The following CAMTA1 variants were observed in gnomAD, a reference collection of about 807,000 sequenced individuals.
CAMTA1 encodes the protein calmodulin binding transcription activator 1, also known as calmodulin-binding transcription activator 1.
CAMTA1 carries 27 observed loss-of-function variants against 170.9 expected under a neutral mutation model. The observed-to-expected ratio is 0.16, with a 90% CI of 0.12 to 0.22. The LOEUF is 0.22. CAMTA1 is among the 10% of genes least tolerant of loss of function. CAMTA1 has a pLI of 1.00. For missense variants in CAMTA1, 1,619 were observed against 2,217.2 expected (o/e 0.73, Z 5.42); for synonymous variants, 833 against 891.5 (o/e 0.93, Z 1.17).
At chr1:7,375,436 T>C (rs1438525300) in intron 5 of CAMTA1, among the ~76,000 whole-genome samples, 2 of 151,930 alleles carry the variant, frequency 1.3e-5, no homozygotes, top group Non-Finnish European at 2.9e-5. Context: ...TTTCAAAGAG[T>C]AATTGTTGCT....
intron 6 of CAMTA1, among the ~76,000 whole-genome samples, chr1:7,477,047 A>G (rs2093431606): frequency 6.6e-6 from 1 of 152,158 alleles, no homozygotes; most frequent in South Asian, 2.1e-4. Context: ...GCGCCATTAG[A>G]TAATTAGGAG....
chr1:7,662,005 C>G, intron 8 of CAMTA1, 139 bp downstream of exon 8: 1 of 1,028,642 alleles, frequency 9.7e-7, no homozygotes, highest in South Asian at 1.6e-5. Context: ...TGGGCGACAC[C>G]ACCGCACCCA....
chr1:7,163,829 G>A (rs1647783319), intron 4 of CAMTA1, among the ~76,000 whole-genome samples: 1 of 152,176 alleles, frequency 6.6e-6, no homozygotes, highest in African/African-American at 2.4e-5. Flanking sequence ...TGCCTGTGCA[G>A]GAATTCCCAC....
intron 22 of CAMTA1, among the ~76,000 whole-genome samples, chr1:7,759,999 AG>A (rs1477969895): frequency 6.6e-6 from 1 of 152,226 alleles, no homozygotes; most frequent in East Asian, 1.9e-4. Context: ...TTCTGTGAGA[AG>A]GCTTTATAAA....
intron 4 of CAMTA1, among the ~76,000 whole-genome samples, chr1:7,116,654 C>CT (rs34283711): frequency 0.31 from 44,877 of 143,322 alleles, 7,306 homozygotes; most frequent in Middle Eastern, 0.39. Context: ...TTCTTTCTTT[C>CT]TTTTTTTTTT....
chr1:7,107,727 C>G lies in CAMTA1; in HGVS notation c.302+16356C>G, dbSNP rs1643754938. On this transcript the variant is annotated intron_variant, in intron 4 of 22. Coordinates refer to ENST00000303635, the MANE Select transcript of CAMTA1 (RefSeq NM_015215.4). The stretch of plus-strand genomic sequence containing the variant: ...CAGATCTGCTCCCTGAGCTGCAGGG[C>G]TGTCCTCCAGGGCACAGCCTAGCCC... 2.0e-5 allele frequency among the ~76,000 whole-genome samples: 3 copies of G among 152,324 alleles called. No homozygotes were observed. The South Asian group carries it at 6.2e-4, about 32-fold the overall frequency.
At chr1:6,902,072 C>CACACACACACACACAAAA (rs3986505) in intron 3 of CAMTA1, among the ~76,000 whole-genome samples, 7 of 88,466 alleles carry the variant, frequency 7.9e-5, no homozygotes, top group African/African-American at 2.2e-4. Flanking sequence ...CACACACACA[C>CACACACACACACACAAAA]AAAAAAAAAA....
intron 3 of CAMTA1, among the ~76,000 whole-genome samples, chr1:6,926,486 T>TTCTTTCTC (rs1553188109): frequency 1.2e-4 from 16 of 134,840 alleles, no homozygotes; most frequent in Non-Finnish European, 1.5e-4. Flanking sequence ...CTTTCTTTCT[T>TTCTTTCTC]TCTCTCTCTC....
intron 4 of CAMTA1, among the ~76,000 whole-genome samples, chr1:7,149,313 G>C (rs1320117588): frequency 6.6e-6 from 1 of 152,234 alleles, no homozygotes; most frequent in East Asian, 1.9e-4. Flanking sequence ...AGACTTTCTG[G>C]CAGGGCACCG....
At chr1:6,948,682 A>G (rs1301978998) in intron 3 of CAMTA1, among the ~76,000 whole-genome samples, 1 of 152,128 alleles carries the variant, frequency 6.6e-6, no homozygotes, top group East Asian at 1.9e-4. Flanking sequence ...CGTATGGCTT[A>G]ATCCTCACTC....
chr1:7,107,934 A>G (rs1311917405), intron 4 of CAMTA1, among the ~76,000 whole-genome samples: 1 of 152,128 alleles, frequency 6.6e-6, no homozygotes, highest in African/African-American at 2.4e-5. Flanking sequence ...CTGCCTGCTG[A>G]CTTCTTCCTA....
chr1:7,689,543 C>T (rs975491904), intron 11 of CAMTA1, among the ~76,000 whole-genome samples: 2 of 152,024 alleles, frequency 1.3e-5, no homozygotes, highest in Admixed American at 6.6e-5. Flanking sequence ...TGTGCCATTG[C>T]ACTCTAGCCT....
In CAMTA1 at chr1:7,026,159, A is replaced by G. The variant is rs892714152; in HGVS notation, c.235-65145A>G. Among the ~76,000 whole-genome samples, 27 of 151,940 alleles carry G rather than the reference A, an allele frequency of 1.8e-4. No individual in the cohort carries two copies. In the East Asian group the frequency reaches 4.8e-3, roughly 27 times the overall value. ...GAAACAAAAAGATTTGGCCAAGAGC[A>G]GGAGAGCAGGCCCATGAAGGTGGAA... On this transcript the variant is annotated intron_variant, in intron 3 of 22. Transcript: ENST00000303635.
chr1:7,617,425 C>T (rs114804362), intron 6 of CAMTA1, among the ~76,000 whole-genome samples: 2,982 of 152,232 alleles, frequency 0.02, 35 homozygotes, highest in Non-Finnish European at 0.031. Context: ...TGAAATGGCT[C>T]GAGGCAATTC....
chr1:7,754,995 T>C (rs1345061902), intron 21 of CAMTA1, among the ~76,000 whole-genome samples: 1 of 152,174 alleles, frequency 6.6e-6, no homozygotes, highest in African/African-American at 2.4e-5. Context: ...AAACTATTCA[T>C]GTCTGTTGTC....
intron 11 of CAMTA1, 97 bp downstream of exon 11, chr1:7,677,830 A>G: frequency 7.1e-7 from 1 of 1,405,698 alleles, no homozygotes; most frequent in East Asian, 2.4e-5. Context: ...GCACCCAGAA[A>G]GGGGCAGGAA....
intron 3 of CAMTA1, among the ~76,000 whole-genome samples, chr1:6,957,871 T>C (rs1689727535): frequency 1.3e-5 from 2 of 152,230 alleles, no homozygotes; most frequent in South Asian, 2.1e-4. Flanking sequence ...AGCTTGACTT[T>C]TGTGCCCTCT....
chr1:7,341,692 G>A (rs1014645760), intron 5 of CAMTA1, among the ~76,000 whole-genome samples: 6 of 152,200 alleles, frequency 3.9e-5, no homozygotes, highest in Admixed American at 1.3e-4. Flanking sequence ...TTGTTCTGCC[G>A]TAAACATCAT....
intron 3 of CAMTA1, among the ~76,000 whole-genome samples, chr1:6,865,681 G>C (rs983654679): frequency 1.3e-5 from 2 of 152,194 alleles, no homozygotes; most frequent in Non-Finnish European, 2.9e-5. Flanking sequence ...ACTAGCCTAA[G>C]TAGTTACATT....
Sources: allele counts gnomAD v4.1 joint callset (sites outside exome capture counted in the v4.1 genomes callset), GRCh38; gene constraint gnomAD v4.1.1; transcripts MANE v1.5; gene names NCBI Gene and HGNC (gene_info 2026-07-23, HGNC 2026-07-21).